The following EHD3 variants were observed in gnomAD, a reference collection of about 807,000 sequenced individuals.
The protein encoded by EHD3 is EH domain containing 3, also known as EH domain-containing protein 3.
In EHD3, 17 loss-of-function variants were observed where a neutral mutation model predicts 43.0. That is an observed-to-expected ratio of 0.40 (90% CI 0.27 to 0.59). The LOEUF is 0.59. EHD3 is among the 20% of genes least tolerant of loss of function. The pLI, the probability that EHD3 is intolerant of heterozygous loss-of-function variation, is 0.49. For missense variants in EHD3, 594 were observed against 705.6 expected (o/e 0.84, Z 1.79); for synonymous variants, 313 against 289.5 (o/e 1.08, Z -0.82).
chr2:31,234,253 C>T lies in EHD3; in HGVS notation c.-369C>T. 1 of 307,748 alleles carries T rather than the reference C, an allele frequency of 3.2e-6. No individual in the cohort carries two copies. Among genetic ancestry groups the T allele is most frequent in the South Asian group, 2.9e-5 (1 of 34,722 alleles). 19.1% of individuals were successfully genotyped at this position (307,748 alleles called of 1,614,324 possible). On this transcript the variant is annotated 5_prime_UTR_variant, in exon 1 of 6. The change creates a new upstream start codon in the 5' untranslated region. Coordinates refer to ENST00000322054, the MANE Select transcript of EHD3 (RefSeq NM_014600.3). ...CGGAGCCGAAGCATCCCTTGCTGCA[C>T]GCAGGGCAGAGCAGGCGAGGGCTGG...
Position 31,260,791 on chromosome 2 carries a change from CT to C in EHD3, c.785del (p.Leu262ProfsTer53). 1 of 1,614,222 alleles carries C rather than the reference CT, an allele frequency of 6.2e-7. No individual in the cohort carries two copies. Among genetic ancestry groups the C allele is most frequent in the Non-Finnish European group, 8.5e-7 (1 of 1,180,044 alleles). On this transcript the variant is annotated frameshift_variant, in exon 4 of 6. Transcript: ENST00000322054. LOFTEE classifies it high-confidence loss of function. This position sits in a 1 kb window ranked among gnomAD's most constrained non-coding sequence, Gnocchi z 4.6. The part of the protein sequence containing the change: ...VYIGSFWSHP[L>X]LIPDNRKLFE... ...CATCGGCTCCTTCTGGTCCCACCCC[CT>C]CCTCATCCCTGACAACCGGAAGCTC...
intron 2 of EHD3, among the ~76,000 whole-genome samples, chr2:31,246,989 T>C (rs978964929): frequency 6.6e-6 from 1 of 151,916 alleles, no homozygotes; most frequent in Non-Finnish European, 1.5e-5. Context: ...CTCCATCTCC[T>C]GGGTTCAGGC....
At chr2:31,245,589 T>C (rs1472187792) in intron 2 of EHD3, among the ~76,000 whole-genome samples, 1 of 141,700 alleles carries the variant, frequency 7.1e-6, no homozygotes, top group Non-Finnish European at 1.5e-5. Context: ...GAGATGGAGT[T>C]TCACTCTTGT....
At position 31,262,975 on chromosome 2, in the gene EHD3, A is replaced by G. The variant is rs116972087; in HGVS notation, c.1080+1262A>G. ...AAAATAGCAGCCACAGAAGCACTTA[A>G]TAGATGCTGTTGCTCTTGTTTTGAT... On this transcript the variant is annotated intron_variant, in intron 5 of 5. Coordinates refer to ENST00000322054, the MANE Select transcript of EHD3 (RefSeq NM_014600.3). 4.3e-4 allele frequency among the ~76,000 whole-genome samples: 66 copies of G among 152,372 alleles called. 1 individual carries two copies. In the East Asian group the frequency reaches 0.012, roughly 28 times the overall value.
chr2:31,236,318 T>C (rs1383693902), intron 1 of EHD3, among the ~76,000 whole-genome samples: 3 of 152,254 alleles, frequency 2.0e-5, no homozygotes, highest in Non-Finnish European at 2.9e-5. Flanking sequence ...GTATGTTTTA[T>C]ATTGATAGAA....
At chr2:31,239,543 A>T (rs1196956898) in intron 1 of EHD3, among the ~76,000 whole-genome samples, 1 of 152,192 alleles carries the variant, frequency 6.6e-6, no homozygotes, top group Non-Finnish European at 1.5e-5. Flanking sequence ...CCTTTGGGGA[A>T]AGGTCTCCCT....
chr2:31,257,792 C>A (rs1488501415), intron 3 of EHD3, among the ~76,000 whole-genome samples: 1 of 152,100 alleles, frequency 6.6e-6, no homozygotes, highest in Non-Finnish European at 1.5e-5. Flanking sequence ...GCCCACTGGG[C>A]AGAGCAGCCT....
intron 1 of EHD3, among the ~76,000 whole-genome samples, chr2:31,241,821 TC>T (rs1558646894): frequency 6.6e-6 from 1 of 152,202 alleles, no homozygotes. Context: ...GAGAAGGTAT[TC>T]TGAGAAGGCA....
At chr2:31,234,942 T>A in intron 1 of EHD3, 94 bp downstream of exon 1, 1 of 1,213,794 alleles carries the variant, frequency 8.2e-7, no homozygotes, top group Non-Finnish European at 1.2e-6. Flanking sequence ...AGGGGACCAA[T>A]GGGAAGCCTT....
rs1683962344 is a variant in EHD3, at chr2:31,266,791, CACAA to C, written c.*91_*94del. ...ACACACACACACACACACACACACACACAAACATGCACACACACATATGCATATC... is the reference window on the plus strand; with the variant it reads ...ACACACACACACACACACACACACACACATGCACACACACATATGCATATC... On this transcript the variant is annotated 3_prime_UTR_variant, in exon 6 of 6. Coordinates refer to ENST00000322054, the MANE Select transcript of EHD3 (RefSeq NM_014600.3). The surrounding 1 kb of genome is among the most constrained non-coding windows in gnomAD (Gnocchi z 5.1). 13 of 1,304,786 alleles carry C rather than the reference CACAA, an allele frequency of 1.0e-5. No homozygotes were observed. Among genetic ancestry groups the C allele is most frequent in the African/African-American group, 1.5e-5 (1 of 65,420 alleles). The allele number at this position is 1,304,786 out of a possible 1,614,324, so 80.8% of individuals were successfully genotyped here.
At chr2:31,249,869 A>T (rs111588714) in intron 3 of EHD3, among the ~76,000 whole-genome samples, 6 of 152,168 alleles carry the variant, frequency 3.9e-5, no homozygotes, top group Non-Finnish European at 8.8e-5. Flanking sequence ...GCTCAATGGT[A>T]TCAGTGCCCT....
rs1024365348 is a variant in EHD3, at chr2:31,268,718, G to A, written c.*2014G>A. On this transcript the variant is annotated 3_prime_UTR_variant, in exon 6 of 6. Coordinates refer to ENST00000322054, the MANE Select transcript of EHD3 (RefSeq NM_014600.3). ...AGGCAAAGAGGTCTCACCTGCTCTG[G>A]AGAAAACCCTTGAGTGCCGAGTGCA... is the stretch of plus-strand genomic sequence containing the variant. 2.0e-5 allele frequency: 3 copies of A among 152,216 alleles called. No individual in the cohort carries two copies. The highest frequency in any genetic ancestry group is 7.2e-5 in the African/African-American group (3 of 41,448). 9.4% of individuals were successfully genotyped at this position (152,216 alleles called of 1,614,324 possible).
intron 2 of EHD3, among the ~76,000 whole-genome samples, chr2:31,244,837 CG>C (rs1202865070): frequency 1.3e-5 from 2 of 152,176 alleles, no homozygotes; most frequent in Non-Finnish European, 2.9e-5. Context: ...TTTCTATTCA[CG>C]GATATTGTTT....
chr2:31,239,554 C>T (rs1252516210), intron 1 of EHD3, among the ~76,000 whole-genome samples: 1 of 152,172 alleles, frequency 6.6e-6, no homozygotes, highest in Non-Finnish European at 1.5e-5. Flanking sequence ...AGGTCTCCCT[C>T]CCATTCCCAT....
chr2:31,248,334 C>G (rs1381896035), intron 2 of EHD3, among the ~76,000 whole-genome samples: 3 of 152,180 alleles, frequency 2.0e-5, no homozygotes, highest in Admixed American at 6.5e-5. Context: ...GTGCCTCCTC[C>G]TCCAGGAAGC....
In EHD3 at chr2:31,234,466, T is replaced by A; in HGVS notation, c.-156T>A. On this transcript the variant is annotated 5_prime_UTR_variant, in exon 1 of 6. Coordinates refer to ENST00000322054, the MANE Select transcript of EHD3 (RefSeq NM_014600.3). Reference sequence around the variant, plus strand: ...AGCAGGGAGAGTGCGCTCCCGGCCCTCCTAGCCGCGTGCCCGGGCCATGGT... The same window carrying A: ...AGCAGGGAGAGTGCGCTCCCGGCCCACCTAGCCGCGTGCCCGGGCCATGGT... 1 of 791,354 alleles carries A rather than the reference T, an allele frequency of 1.3e-6. No homozygotes were observed. Among genetic ancestry groups the A allele is most frequent in the Non-Finnish European group, 2.0e-6 (1 of 506,904 alleles). 49.0% of individuals were successfully genotyped at this position (791,354 alleles called of 1,614,324 possible).
chr2:31,234,735 G>A lies in EHD3; in HGVS notation c.114G>A (p.Glu38=). The change falls in exon 1 of 6, where the codon GAG becomes GAA. Residue 38 remains glutamate (E), a synonymous_variant. Coordinates refer to ENST00000322054, the MANE Select transcript of EHD3 (RefSeq NM_014600.3). The stretch of plus-strand genomic sequence containing the variant: ...AGAGCAAGCTGCTGCCCTTGGAAGA[G>A]CATTACCGCTTCCACGAGTTCCACT... ...LYKSKLLPLE[E]HYRFHEFHSP... is the part of the protein sequence containing the mutation. 1 of 1,614,234 alleles carries A rather than the reference G, an allele frequency of 6.2e-7. No individual in the cohort carries two copies. The highest frequency in any genetic ancestry group is 1.3e-5 in the African/African-American group (1 of 75,070).
intron 3 of EHD3, among the ~76,000 whole-genome samples, chr2:31,252,372 T>G (rs1303022902): frequency 6.6e-6 from 1 of 152,244 alleles, no homozygotes; most frequent in Non-Finnish European, 1.5e-5. Flanking sequence ...GCACAGCCTG[T>G]GCACCTGTAT....
Position 31,234,533 on chromosome 2 carries a change from G to C in EHD3, c.-89G>C, listed in dbSNP as rs1052112368. On this transcript the variant is annotated 5_prime_UTR_variant, in exon 1 of 6. Transcript: ENST00000322054. ...CTTGGGTGAGGCGGCGGCGCGGCTCGGAGCCCGGCGGACCGGTCCTACGGG... is the reference window on the plus strand; with the variant it reads ...CTTGGGTGAGGCGGCGGCGCGGCTCCGAGCCCGGCGGACCGGTCCTACGGG... 9.8e-5 allele frequency: 144 copies of C among 1,469,638 alleles called. 1 individual carries two copies. Among genetic ancestry groups the C allele is most frequent in the Middle Eastern group, 1.8e-4 (1 of 5,592 alleles). The allele number at this position is 1,469,638 out of a possible 1,614,324, so 91.0% of individuals were successfully genotyped here. A position where few individuals can be genotyped will look rare whatever the true frequency, so the allele number is the denominator to read the frequency against.
Sources: gnomAD v4.1 joint callset for allele counts (sites outside exome capture counted in the v4.1 genomes callset) on GRCh38, gnomAD v4.1.1 for gene constraint, Gnocchi (gnomAD v3.1) non-coding constraint, MANE v1.5 for transcripts, NCBI Gene and HGNC (gene_info 2026-07-23, HGNC 2026-07-21) for gene names.